Variants in ATXN7L1 observed in about 807,000 individuals in gnomAD.
ATXN7L1 encodes the protein ataxin 7 like 1, also known as ataxin-7-like protein 1.
Under a neutral mutation model 70.8 loss-of-function variants are expected in ATXN7L1, and 15 were observed. The observed-to-expected ratio is 0.21, with a 90% CI of 0.14 to 0.33. ATXN7L1 has a LOEUF of 0.33. Among genes scored for constraint, ATXN7L1 ranks in the 10% least tolerant of loss-of-function variants. The pLI, the probability that ATXN7L1 is intolerant of heterozygous loss-of-function variation, is 1.00. For missense variants in ATXN7L1, 975 were observed against 1,097.1 expected (o/e 0.89, Z 1.57); for synonymous variants, 440 against 445.1 (o/e 0.99, Z 0.14).
intron 3 of ATXN7L1, among the ~76,000 whole-genome samples, chr7:105,687,361 C>A (rs1280856060): frequency 3.9e-5 from 6 of 152,108 alleles, no homozygotes; most frequent in African/African-American, 1.4e-4. Flanking sequence ...AGAATATAAG[C>A]ACATTTGGAG....
intron 2 of ATXN7L1, among the ~76,000 whole-genome samples, chr7:105,822,011 C>T (rs891731185): frequency 6.6e-6 from 1 of 152,242 alleles, no homozygotes. Context: ...TAGTGACTTG[C>T]CACCAGGCAG....
intron 4 of ATXN7L1, among the ~76,000 whole-genome samples, chr7:105,652,030 G>A (rs771383275): frequency 2.6e-5 from 4 of 152,186 alleles, no homozygotes; most frequent in Non-Finnish European, 5.9e-5. Flanking sequence ...CTCCAAACCT[G>A]CTGGGAGAAT....
At chr7:105,724,755 C>T (rs1444019691) in intron 3 of ATXN7L1, among the ~76,000 whole-genome samples, 3 of 147,324 alleles carry the variant, frequency 2.0e-5, no homozygotes, top group South Asian at 2.3e-4. Context: ...TGTCAATCTT[C>T]GGCTTGGTCT....
At chr7:105,692,402 CT>C (rs1791029697) in intron 3 of ATXN7L1, among the ~76,000 whole-genome samples, 1 of 124,266 alleles carries the variant, frequency 8.0e-6, no homozygotes, top group Non-Finnish European at 1.7e-5. Context: ...TCCTTCCTTC[CT>C]TCCTTCCTTC....
intron 3 of ATXN7L1, chr7:105,761,220 T>C: frequency 6.9e-7 from 1 of 1,456,858 alleles, no homozygotes; most frequent in Non-Finnish European, 9.0e-7. Context: ...CCTTACTAGA[T>C]CCTGACACCA....
intron 3 of ATXN7L1, among the ~76,000 whole-genome samples, chr7:105,779,758 A>T (rs1486437272): frequency 6.6e-6 from 1 of 152,260 alleles, no homozygotes; most frequent in Non-Finnish European, 1.5e-5. Flanking sequence ...AAGTTAAAAA[A>T]ATTCTACTGG....
intron 3 of ATXN7L1, among the ~76,000 whole-genome samples, chr7:105,674,581 C>T (rs1295689421): frequency 2.0e-5 from 3 of 152,236 alleles, no homozygotes; most frequent in Non-Finnish European, 2.9e-5. Flanking sequence ...CCAGGCTTGC[C>T]TGGCCCCAGA....
At chr7:105,761,789 C>T (rs1800590805) in intron 3 of ATXN7L1, among the ~76,000 whole-genome samples, 1 of 152,162 alleles carries the variant, frequency 6.6e-6, no homozygotes, top group South Asian at 2.1e-4. Context: ...TTTTCATGGG[C>T]ACCATTATTC....
intron 2 of ATXN7L1, among the ~76,000 whole-genome samples, chr7:105,797,536 G>T (rs17152142): frequency 2.3e-4 from 35 of 152,368 alleles, no homozygotes; most frequent in African/African-American, 8.4e-4. Flanking sequence ...CCTTAAAAAT[G>T]CAGTGCCTGC....
At chr7:105,863,591 C>T (rs1816955535) in intron 2 of ATXN7L1, among the ~76,000 whole-genome samples, 1 of 152,196 alleles carries the variant, frequency 6.6e-6, no homozygotes, top group African/African-American at 2.4e-5. Context: ...CCTAGGATGA[C>T]AGACATCAGG....
intron 3 of ATXN7L1, among the ~76,000 whole-genome samples, chr7:105,701,311 G>A (rs1355723457): frequency 1.3e-5 from 2 of 152,062 alleles, no homozygotes; most frequent in Admixed American, 6.6e-5. Context: ...ATGAAAAAAA[G>A]CATGTTTCAA....
At chr7:105,683,371 A>G (rs1293381527) in intron 3 of ATXN7L1, among the ~76,000 whole-genome samples, 1 of 151,996 alleles carries the variant, frequency 6.6e-6, no homozygotes, top group Non-Finnish European at 1.5e-5. Flanking sequence ...TAGTGCCCAT[A>G]CTTCATAAAA....
intron 2 of ATXN7L1, among the ~76,000 whole-genome samples, chr7:105,798,548 A>G (rs1806331016): frequency 6.6e-6 from 1 of 152,236 alleles, no homozygotes; most frequent in African/African-American, 2.4e-5. Context: ...TGACCTTGGT[A>G]GCCAAGAGAA....
intron 2 of ATXN7L1, among the ~76,000 whole-genome samples, chr7:105,816,045 T>C (rs534912005): frequency 6.6e-4 from 100 of 152,316 alleles, no homozygotes; most frequent in African/African-American, 2.3e-3. Flanking sequence ...ACCATCATAC[T>C]GTAAACACTG....
At chr7:105,741,943 C>T (rs540478368) in intron 3 of ATXN7L1, among the ~76,000 whole-genome samples, 2 of 152,302 alleles carry the variant, frequency 1.3e-5, no homozygotes, top group East Asian at 1.9e-4. Context: ...GATTCTCTCT[C>T]GCAGCCCTCA....
chr7:105,733,585 T>TCCAC (rs1796899143), intron 3 of ATXN7L1, among the ~76,000 whole-genome samples: 1 of 111,664 alleles, frequency 9.0e-6, no homozygotes, highest in Non-Finnish European at 1.9e-5. Context: ...CATCCACCCA[T>TCCAC]CCATCCATCC....
intron 8 of ATXN7L1, among the ~76,000 whole-genome samples, chr7:105,620,906 A>AG (rs1043708279): frequency 3.3e-5 from 5 of 150,574 alleles, no homozygotes; most frequent in Non-Finnish European, 7.4e-5. Flanking sequence ...GAAAAAAAAA[A>AG]AAAAGAAACA....
At chr7:105,787,714 T>C (rs1234852821) in intron 3 of ATXN7L1, among the ~76,000 whole-genome samples, 2 of 152,214 alleles carry the variant, frequency 1.3e-5, no homozygotes, top group Non-Finnish European at 2.9e-5. Flanking sequence ...TTCAATATTA[T>C]AATTGCTTTG....
At chr7:105,851,371 T>C (rs948581060) in intron 2 of ATXN7L1, among the ~76,000 whole-genome samples, 3 of 152,318 alleles carry the variant, frequency 2.0e-5, no homozygotes, top group Admixed American at 6.5e-5. Context: ...CGATCAACTA[T>C]ACGCAGAGAT....
Sources: gnomAD v4.1 joint callset for allele counts (sites outside exome capture counted in the v4.1 genomes callset) on GRCh38, gnomAD v4.1.1 for gene constraint, MANE v1.5 for transcripts, NCBI Gene and HGNC (gene_info 2026-07-23, HGNC 2026-07-21) for gene names.